The following PROCA1 variants were observed in gnomAD, a reference collection of about 807,000 sequenced individuals.
The protein encoded by PROCA1 is protein interacting with cyclin A1.
A neutral mutation model predicts 23.2 loss-of-function variants in PROCA1; 22 were observed. The ratio of observed to expected loss-of-function variants is 0.95; its 90% CI spans 0.68 to 1.35. The LOEUF is 1.35. Ranked by LOEUF, PROCA1 falls within the 40% of genes most tolerant of loss-of-function variation. The probability of loss-of-function intolerance (pLI) is 0.00; values close to 1 mark genes in which losing one functional copy is unlikely to be tolerated. For synonymous variants in PROCA1, 182 were observed against 179.2 expected (o/e 1.02, Z -0.12); for missense variants, 469 against 459.8 (o/e 1.02, Z -0.18).
rs377487748 is a variant in PROCA1, at chr17:28,704,697, C to T, written c.311+11G>A. The T allele has an allele frequency of 6.3e-4, 1,019 of 1,613,570 alleles. No homozygotes were observed. Among genetic ancestry groups the T allele is most frequent in the Non-Finnish European group, 7.6e-4 (891 of 1,179,692 alleles). ...CTCTGCCATGGGTCCCCCAAGGGGGCGGGCCCTCACCTAGAATTACAGTTG... is the reference window on the plus strand; with the variant it reads ...CTCTGCCATGGGTCCCCCAAGGGGGTGGGCCCTCACCTAGAATTACAGTTG... On this transcript the variant is annotated intron_variant, in intron 3 of 4. Transcript: ENST00000682792.
intron 1 of PROCA1, chr17:28,711,177 C>T: frequency 8.6e-7 from 1 of 1,160,356 alleles, no homozygotes; most frequent in Non-Finnish European, 1.1e-6. Flanking sequence ...TCGATGGAAC[C>T]GCCCGCTCCC....
chr17:28,710,275 G>T (rs905405475), intron 1 of PROCA1, among the ~76,000 whole-genome samples: 2 of 151,856 alleles, frequency 1.3e-5, no homozygotes, highest in African/African-American at 4.8e-5. Context: ...GAGGTGGGCG[G>T]ATCACGAGGT....
In PROCA1 at chr17:28,711,787, A is replaced by G; in HGVS notation, c.-127T>C. The G allele has an allele frequency of 1.5e-6, 1 of 654,888 alleles. No individual in the cohort carries two copies. The highest frequency in any genetic ancestry group is 2.3e-6 in the Non-Finnish European group (1 of 433,396). The allele number at this position is 654,888 out of a possible 1,614,324, so 40.6% of individuals were successfully genotyped here. On this transcript the variant is annotated 5_prime_UTR_variant, in exon 1 of 5. Coordinates refer to ENST00000682792, the MANE Select transcript of PROCA1 (RefSeq NM_001366301.1). ...CGGCTTCGCCCCCGCCTAGCCCCTA[A>G]CCCCGCCTCATGCTGGCGCAGCCCC...
chr17:28,703,900 C>G lies in PROCA1; in HGVS notation c.753G>C (p.Glu251Asp). 1 of 1,614,058 alleles carries G rather than the reference C, an allele frequency of 6.2e-7. No individual in the cohort carries two copies. Among genetic ancestry groups the G allele is most frequent in the African/African-American group, 1.3e-5 (1 of 75,026 alleles). ...TGGCTTTTTTCTTCAGCTTTGCCTTCTCATCCATCTCCTCCTTGTCTTTCT... is the reference window on the plus strand; with the variant it reads ...TGGCTTTTTTCTTCAGCTTTGCCTTGTCATCCATCTCCTCCTTGTCTTTCT... ...EKEKDKEEMD[E>D]KAKLKKKAKK... The change falls in exon 5 of 5, where the codon GAG (glutamate) becomes GAC (aspartate). Residue 251 changes from glutamate (E) to aspartate (D), a missense_variant. Physicochemically the swap from Glu to Asp is conservative, Grantham distance 45. Transcript: ENST00000682792.
At position 28,704,773 on chromosome 17, in the gene PROCA1, G is replaced by C; in HGVS notation, c.246C>G (p.Phe82Leu). ...GGCTGTGGCGGACACAGTCAGAGGCGAAAGGGTAGATGATGTGCCCAGTGC... is the reference window on the plus strand; with the variant it reads ...GGCTGTGGCGGACACAGTCAGAGGCCAAAGGGTAGATGATGTGCCCAGTGC... The part of the protein sequence containing the change: ...KQCTGHIIYP[F>L]ASDCVRHSLH... The change falls in exon 3 of 5, where the codon TTC becomes TTG. Residue 82 changes from phenylalanine (F) to leucine (L), a missense_variant. Physicochemically the swap from Phe to Leu is conservative, Grantham distance 22. Transcript: ENST00000682792. 6.2e-7 allele frequency: 1 copy of C among 1,614,004 alleles called. No homozygotes were observed. Among genetic ancestry groups the C allele is most frequent in the Non-Finnish European group, 8.5e-7 (1 of 1,180,006 alleles).
At chr17:28,709,787 C>T (rs1394504090) in intron 1 of PROCA1, among the ~76,000 whole-genome samples, 1 of 150,084 alleles carries the variant, frequency 6.7e-6, no homozygotes, top group South Asian at 2.1e-4. Flanking sequence ...ACTTGAGGTC[C>T]GGAGTTTGAG....
At position 28,703,365 on chromosome 17, in the gene PROCA1, G is replaced by T. The variant is rs916318084; in HGVS notation, c.*193C>A. The T allele has an allele frequency of 2.5e-4, 153 of 618,158 alleles. 1 individual carries two copies. The East Asian group carries it at 4.2e-3, about 17-fold the overall frequency. 38.3% of individuals were successfully genotyped at this position (618,158 alleles called of 1,614,324 possible). On this transcript the variant is annotated 3_prime_UTR_variant, in exon 5 of 5. Transcript: ENST00000682792. ...AGCAGGTAGGAAGAAATAGGGCTGT[G>T]CCCCTTCCTTTCCCTCCCACCTGCC...
Position 28,703,917 on chromosome 17 carries a change from T to C in PROCA1, c.736A>G (p.Lys246Glu), listed in dbSNP as rs750782908. The C allele has an allele frequency of 1.4e-5, 23 of 1,613,702 alleles. No homozygotes were observed. Among genetic ancestry groups the C allele is most frequent in the Middle Eastern group, 1.6e-4 (1 of 6,084 alleles). ...VKKKKEKEKD[K>E]EEMDEKAKLK... ...TTTGCCTTCTCATCCATCTCCTCCTTGTCTTTCTCTTTTTCCTTTTTCTTC... is the reference window on the plus strand; with the variant it reads ...TTTGCCTTCTCATCCATCTCCTCCTCGTCTTTCTCTTTTTCCTTTTTCTTC... The change falls in exon 5 of 5, where the codon AAG becomes GAG. Residue 246 changes from lysine (K) to glutamate (E), a missense_variant. Physicochemically the swap from Lys to Glu is moderately conservative, Grantham distance 56 (BLOSUM62 1). Transcript: ENST00000682792.
At chr17:28,708,914 GA>G (rs905734453) in intron 1 of PROCA1, among the ~76,000 whole-genome samples, 4 of 152,090 alleles carry the variant, frequency 2.6e-5, no homozygotes, top group African/African-American at 7.2e-5. Context: ...AGGATTACCT[GA>G]GCCCAGGGAG....
chr17:28,711,254 C>A (rs1449242352), intron 1 of PROCA1: 1 of 803,366 alleles, frequency 1.2e-6, no homozygotes, highest in Non-Finnish European at 1.7e-6. Flanking sequence ...AGGGCAGCGG[C>A]CTGCGCCCGG....
Position 28,711,710 on chromosome 17 carries a change from A to G in PROCA1, c.-50T>C. The G allele has an allele frequency of 1.3e-6, 2 of 1,538,512 alleles. No homozygotes were observed. Among genetic ancestry groups the G allele is most frequent in the Middle Eastern group, 1.7e-4 (1 of 5,856 alleles). Reference sequence around the variant, plus strand: ...CTACAGGACTCTTGCGTGAAGTCCAACCCTGAGCCTCAGCCCGGCCGAGCC... The same window carrying G: ...CTACAGGACTCTTGCGTGAAGTCCAGCCCTGAGCCTCAGCCCGGCCGAGCC... On this transcript the variant is annotated 5_prime_UTR_variant, in exon 1 of 5. Coordinates refer to ENST00000682792, the MANE Select transcript of PROCA1 (RefSeq NM_001366301.1).
chr17:28,707,040 C>T (rs2032545656), intron 1 of PROCA1: 10 of 331,578 alleles, frequency 3.0e-5, no homozygotes, highest in South Asian at 2.1e-4. Flanking sequence ...GGACAAGGGC[C>T]ACCTACCAGG....
At chr17:28,711,473 C>T (rs908339593) in intron 1 of PROCA1, 97 bp downstream of exon 1, 9 of 1,016,680 alleles carry the variant, frequency 8.9e-6, no homozygotes, top group Admixed American at 5.5e-5. Flanking sequence ...TTGGTTTGCC[C>T]GTCTCCCTCG....
intron 1 of PROCA1, among the ~76,000 whole-genome samples, chr17:28,708,751 A>C (rs2032645390): frequency 6.6e-6 from 1 of 151,416 alleles, no homozygotes. Context: ...AAAAAACGAC[A>C]TTTTGGGAGT....
rs9902935 is a variant in PROCA1, at chr17:28,703,308, C to T, written c.*250G>A. 9 of 517,880 alleles carry T rather than the reference C, an allele frequency of 1.7e-5. No individual in the cohort carries two copies. The highest frequency in any genetic ancestry group is 1.5e-4 in the African/African-American group (8 of 52,340). 32.1% of individuals were successfully genotyped at this position (517,880 alleles called of 1,614,324 possible). A position where few individuals can be genotyped will look rare whatever the true frequency, so the allele number is the denominator to read the frequency against. ...GCAGCAGAGAGGGGAAGCCCTCCTT[C>T]CCACCCCAGATACACTCTTCCACCT... On this transcript the variant is annotated 3_prime_UTR_variant, in exon 5 of 5. Transcript: ENST00000682792.
chr17:28,709,066 CAGAG>C (rs1465090576), intron 1 of PROCA1, among the ~76,000 whole-genome samples: 3 of 152,208 alleles, frequency 2.0e-5, no homozygotes, highest in Admixed American at 6.5e-5. Context: ...CACAGAAACT[CAGAG>C]AGGATAAGTA....
chr17:28,711,620 T>C lies in PROCA1; in HGVS notation c.41A>G (p.Lys14Arg). 2.5e-6 allele frequency: 4 copies of C among 1,612,478 alleles called. No homozygotes were observed. The South Asian group carries it at 3.3e-5, about 13-fold the overall frequency. ...RTTLTIERWT[K>R]EKTEPKARSW... ...GCGGGCCTTGGGCTCGGTCTTTTCC[T>C]TAGTCCATCTTTCAATTGTGAGCGT... is the stretch of plus-strand genomic sequence containing the variant. The change falls in exon 1 of 5, where the codon AAG becomes AGG. Residue 14 changes from lysine (K) to arginine (R), a missense_variant. Lys to Arg is a conservative substitution (Grantham distance 26, BLOSUM62 2). Coordinates refer to ENST00000682792, the MANE Select transcript of PROCA1 (RefSeq NM_001366301.1).
intron 1 of PROCA1, among the ~76,000 whole-genome samples, chr17:28,708,742 A>AAAAAAAAAAAAAC (rs1567717806): frequency 6.6e-6 from 1 of 151,946 alleles, no homozygotes; most frequent in Non-Finnish European, 1.5e-5. Context: ...AAAAAAAAAA[A>AAAAAAAAAAAAAC]AAAACGACAT....
rs557235509 is a variant in PROCA1, at chr17:28,703,282, C to T, written c.*276G>A. On this transcript the variant is annotated 3_prime_UTR_variant, in exon 5 of 5. Transcript: ENST00000682792. ...GTGGATTTCACACAGACCAGTCTCT[C>T]GCAGCAGAGAGGGGAAGCCCTCCTT... 498 of 470,866 alleles carry T rather than the reference C, an allele frequency of 1.1e-3. No individual in the cohort carries two copies. The highest frequency in any genetic ancestry group is 9.6e-4 in the Non-Finnish European group (254 of 264,364). 29.2% of individuals were successfully genotyped at this position (470,866 alleles called of 1,614,324 possible).
Sources: gnomAD v4.1 joint callset for allele counts (sites outside exome capture counted in the v4.1 genomes callset) on GRCh38, gnomAD v4.1.1 for gene constraint, MANE v1.5 for transcripts, NCBI Gene and HGNC (gene_info 2026-07-23, HGNC 2026-07-21) for gene names.